ARHGEF9: variants seen among roughly 807,000 people sequenced by gnomAD.
ARHGEF9 encodes the protein rho guanine nucleotide exchange factor 9.
Under a neutral mutation model 41.3 loss-of-function variants are expected in ARHGEF9, and 2 were observed. That is an observed-to-expected ratio of 0.05 (90% CI 0.02 to 0.15). The LOEUF (loss-of-function observed/expected upper bound fraction) is 0.15. Among genes scored for constraint, ARHGEF9 ranks in the 10% least tolerant of loss-of-function variants. The probability of loss-of-function intolerance (pLI) is 1.00; values close to 1 mark genes in which losing one functional copy is unlikely to be tolerated. For synonymous variants in ARHGEF9, 160 were observed against 154.4 expected (o/e 1.04, Z -0.27); for missense variants, 225 against 424.7 (o/e 0.53, Z 4.13).
chrX:63,728,325 G>A (rs1267347274), intron 1 of ARHGEF9, among the ~76,000 whole-genome samples: 8 of 112,336 alleles, frequency 7.1e-5, no homozygotes, highest in Admixed American at 2.8e-4. Flanking sequence ...CATTCATTGA[G>A]CTCCTACTGT....
chrX:63,674,970 A>C (rs1353596748), intron 5 of ARHGEF9, among the ~76,000 whole-genome samples: 1 of 111,275 alleles, frequency 9.0e-6, no homozygotes, highest in African/African-American at 3.3e-5. Context: ...CTGAGAAATC[A>C]CCTTTAAGGT....
At chrX:63,783,632 CCT>C (rs1255643205) in intron 1 of ARHGEF9, among the ~76,000 whole-genome samples, 1 of 111,359 alleles carries the variant, frequency 9.0e-6, no homozygotes, top group Non-Finnish European at 1.9e-5. Context: ...CCTTTCTTCC[CCT>C]CTCAGCACCA....
intron 2 of ARHGEF9, among the ~76,000 whole-genome samples, chrX:63,710,890 CT>C (rs1187352207): frequency 1.8e-5 from 2 of 110,636 alleles, no homozygotes; most frequent in African/African-American, 6.5e-5. Flanking sequence ...GTAAAACTAT[CT>C]CTAGTCACAG....
At chrX:63,644,723 C>T (rs1216888313) in intron 8 of ARHGEF9, among the ~76,000 whole-genome samples, 1 of 108,353 alleles carries the variant, frequency 9.2e-6, no homozygotes, top group Non-Finnish European at 1.9e-5. Context: ...GAATCCTAAT[C>T]TGAAATATTG....
At chrX:63,648,992 A>G (rs1447061509) in intron 8 of ARHGEF9, among the ~76,000 whole-genome samples, 1 of 111,267 alleles carries the variant, frequency 9.0e-6, no homozygotes, top group Non-Finnish European at 1.9e-5. Flanking sequence ...ACTCCCACAC[A>G]ATAATAATGG....
At chrX:63,722,516 C>G (rs1425533694) in intron 2 of ARHGEF9, among the ~76,000 whole-genome samples, 2 of 108,249 alleles carry the variant, frequency 1.8e-5, no homozygotes, top group Admixed American at 2.0e-4. Context: ...TGTAGGAACA[C>G]TCCTCCCGGC....
At chrX:63,643,362 T>TC (rs1556308494) in intron 9 of ARHGEF9, among the ~76,000 whole-genome samples, 3 of 103,144 alleles carry the variant, frequency 2.9e-5, no homozygotes, top group African/African-American at 1.1e-4. Flanking sequence ...TCTTTATACT[T>TC]TTTTTTTTTT....
intron 1 of ARHGEF9, among the ~76,000 whole-genome samples, chrX:63,773,052 A>G (rs1602746716): frequency 9.0e-6 from 1 of 111,708 alleles, no homozygotes; most frequent in Non-Finnish European, 1.9e-5. Flanking sequence ...CCTCATGGCA[A>G]TAGGATCTCT....
At chrX:63,737,078 T>A (rs1482127455) in intron 1 of ARHGEF9, 1 of 111,887 alleles carries the variant, frequency 8.9e-6, no homozygotes, top group Non-Finnish European at 1.9e-5. Context: ...AACCAGAACC[T>A]GACTTTCCCT....
chrX:63,745,918 C>T (rs1202671877), intron 1 of ARHGEF9, among the ~76,000 whole-genome samples: 2 of 112,087 alleles, frequency 1.8e-5, no homozygotes, highest in African/African-American at 6.5e-5. Flanking sequence ...CCATACCTGT[C>T]CCATGCCCAT....
intron 2 of ARHGEF9, among the ~76,000 whole-genome samples, chrX:63,721,991 C>G (rs1556413979): frequency 8.9e-6 from 1 of 112,054 alleles, no homozygotes; most frequent in African/African-American, 3.2e-5. Context: ...AGTTCCTGTA[C>G]AGTGGCTAAA....
At chrX:63,665,605 G>C (rs1352557044) in intron 7 of ARHGEF9, among the ~76,000 whole-genome samples, 9 of 112,396 alleles carry the variant, frequency 8.0e-5, no homozygotes, top group African/African-American at 1.3e-4. Flanking sequence ...CTGGGTAGAA[G>C]AAAGTGAGAA....
intron 7 of ARHGEF9, among the ~76,000 whole-genome samples, chrX:63,660,343 A>C (rs78475991): frequency 0.023 from 2,566 of 111,414 alleles, 36 homozygotes; most frequent in Non-Finnish European, 0.037. Context: ...CTAAATATTG[A>C]GTACACAGGG....
intron 1 of ARHGEF9, chrX:63,754,814 A>G: frequency 1.1e-6 from 1 of 941,248 alleles, no homozygotes; most frequent in Admixed American, 5.5e-5. Context: ...GTTTGTCCCT[A>G]GCTGAGAAAT....
chrX:63,644,141 T>A, intron 8 of ARHGEF9, 93 bp from the exon 9 acceptor site: 6 of 554,393 alleles, frequency 1.1e-5, no homozygotes, highest in African/African-American at 2.5e-5. Context: ...AAAGATTTGC[T>A]AAGACATATA....
At chrX:63,688,454 T>C (rs1351770269) in intron 4 of ARHGEF9, among the ~76,000 whole-genome samples, 2 of 112,435 alleles carry the variant, frequency 1.8e-5, no homozygotes, top group Non-Finnish European at 3.8e-5. Flanking sequence ...TAAACGTATA[T>C]AGACAAATTC....
intron 1 of ARHGEF9, among the ~76,000 whole-genome samples, chrX:63,729,297 G>A (rs2054148041): frequency 9.0e-6 from 1 of 111,322 alleles, no homozygotes; most frequent in Admixed American, 9.5e-5. Flanking sequence ...GGAAAAAAGT[G>A]CTAAGGCCAG....
intron 2 of ARHGEF9, among the ~76,000 whole-genome samples, chrX:63,714,177 C>T (rs782555248): frequency 2.7e-5 from 3 of 111,547 alleles, no homozygotes; most frequent in South Asian, 3.9e-4. Flanking sequence ...CTACCCTTCC[C>T]ATTCATTCCA....
chrX:63,724,236 A>G (rs2053822947), intron 2 of ARHGEF9, among the ~76,000 whole-genome samples: 1 of 111,875 alleles, frequency 8.9e-6, no homozygotes, highest in African/African-American at 3.3e-5. Context: ...TTCAAAAACC[A>G]CCAAGGCCAA....
Sources: allele counts gnomAD v4.1 joint callset (sites outside exome capture counted in the v4.1 genomes callset), GRCh38; gene constraint gnomAD v4.1.1; transcripts MANE v1.5; gene names NCBI Gene and HGNC (gene_info 2026-07-23, HGNC 2026-07-21).